Variants in DYNC1I1 observed in about 807,000 individuals in gnomAD.
DYNC1I1 encodes cytoplasmic dynein 1 intermediate chain 1.
DYNC1I1 carries 43 observed loss-of-function variants against 86.6 expected under a neutral mutation model. That is an observed-to-expected ratio of 0.50 (90% CI 0.39 to 0.64). DYNC1I1 has a LOEUF of 0.64. Ranked by LOEUF, DYNC1I1 falls within the 30% of genes least tolerant of loss-of-function variation. The probability of loss-of-function intolerance (pLI) is 0.00; values close to 1 mark genes in which losing one functional copy is unlikely to be tolerated. For synonymous variants in DYNC1I1, 262 were observed against 283.7 expected (o/e 0.92, Z 0.77); for missense variants, 604 against 788.8 (o/e 0.77, Z 2.81).
intron 15 of DYNC1I1, among the ~76,000 whole-genome samples, chr7:96,076,856 A>G (rs1292051424): frequency 6.6e-6 from 1 of 152,266 alleles, no homozygotes; most frequent in Non-Finnish European, 1.5e-5. Context: ...TTTAAAAATC[A>G]GCCAGTAATA....
rs112463385 is a variant in DYNC1I1, at chr7:95,799,533, C to G, written c.-9-5188C>G. The stretch of plus-strand genomic sequence containing the variant: ...GAAGTGGGTAAGGTGCAGGGGATGC[C>G]TGCTGGGGACAGCTTGATATGTAAT... On this transcript the variant is annotated intron_variant, in intron 1 of 16. Coordinates refer to ENST00000447467, the MANE Select transcript of DYNC1I1 (RefSeq NM_001135556.2). 7.2e-4 allele frequency among the ~76,000 whole-genome samples: 109 copies of G among 152,204 alleles called. 1 individual carries two copies. Among genetic ancestry groups the G allele is most frequent in the Middle Eastern group, 3.4e-3 (1 of 294 alleles).
At chr7:96,055,474 A>G (rs1161520562) in intron 14 of DYNC1I1, among the ~76,000 whole-genome samples, 1 of 152,224 alleles carries the variant, frequency 6.6e-6, no homozygotes, top group Non-Finnish European at 1.5e-5. Context: ...TATTATAGTT[A>G]TTCTTTACAA....
chr7:95,797,694 A>G (rs1374798931), intron 1 of DYNC1I1, among the ~76,000 whole-genome samples: 1 of 152,236 alleles, frequency 6.6e-6, no homozygotes, highest in Non-Finnish European at 1.5e-5. Flanking sequence ...GCTAACCTTT[A>G]AGAAACTGCT....
At chr7:96,054,062 G>A (rs1584282284) in intron 14 of DYNC1I1, among the ~76,000 whole-genome samples, 3 of 151,802 alleles carry the variant, frequency 2.0e-5, no homozygotes, top group East Asian at 3.9e-4. Context: ...TTATATACAC[G>A]TGCCATGGTG....
chr7:96,064,332 T>A (rs1789891898), intron 14 of DYNC1I1, among the ~76,000 whole-genome samples: 1 of 152,122 alleles, frequency 6.6e-6, no homozygotes, highest in Non-Finnish European at 1.5e-5. Flanking sequence ...TTTATTTGTT[T>A]TTAATGAGAT....
At chr7:96,080,722 G>T (rs1482097023) in intron 16 of DYNC1I1, among the ~76,000 whole-genome samples, 1 of 152,088 alleles carries the variant, frequency 6.6e-6, no homozygotes, top group Non-Finnish European at 1.5e-5. Flanking sequence ...GAGTCCTGTA[G>T]AATGTCCCAT....
intron 1 of DYNC1I1, among the ~76,000 whole-genome samples, chr7:95,793,232 T>C (rs1332770632): frequency 2.6e-5 from 4 of 152,008 alleles, no homozygotes; most frequent in South Asian, 2.1e-4. Context: ...GAGGGCAAGC[T>C]GGTAAATATT....
At chr7:95,907,505 C>T (rs1791206410) in intron 6 of DYNC1I1, among the ~76,000 whole-genome samples, 1 of 152,178 alleles carries the variant, frequency 6.6e-6, no homozygotes, top group Non-Finnish European at 1.5e-5. Flanking sequence ...TCACTATGGT[C>T]AAATCACATT....
chr7:96,073,243 TGGGGTGAA>T (rs1287969672), intron 14 of DYNC1I1, among the ~76,000 whole-genome samples: 1 of 152,166 alleles, frequency 6.6e-6, no homozygotes, highest in African/African-American at 2.4e-5. Context: ...GGCTCAGTCT[TGGGGTGAA>T]GGGTGATAAG....
chr7:96,015,556 T>C (rs1477125136), intron 10 of DYNC1I1, among the ~76,000 whole-genome samples: 4 of 152,186 alleles, frequency 2.6e-5, no homozygotes, highest in African/African-American at 9.7e-5. Flanking sequence ...TATTTTTCTT[T>C]ATCTCTTGGT....
intron 5 of DYNC1I1, among the ~76,000 whole-genome samples, chr7:95,841,455 G>T (rs1789279547): frequency 6.7e-6 from 1 of 149,738 alleles, no homozygotes; most frequent in Non-Finnish European, 1.5e-5. Flanking sequence ...CTGGCAGGAG[G>T]AGTCATGGGA....
chr7:95,912,337 C>G, intron 6 of DYNC1I1, among the ~76,000 whole-genome samples: 1 of 152,172 alleles, frequency 6.6e-6, no homozygotes, highest in East Asian at 1.9e-4. Flanking sequence ...ATGCCTGGCC[C>G]ACTTGAACAT....
intron 6 of DYNC1I1, among the ~76,000 whole-genome samples, chr7:95,967,090 A>G (rs1793035245): frequency 6.6e-6 from 1 of 152,220 alleles, no homozygotes; most frequent in Admixed American, 6.5e-5. Flanking sequence ...AGACACCCAC[A>G]TTGGGGCATA....
intron 6 of DYNC1I1, among the ~76,000 whole-genome samples, chr7:95,948,080 G>C (rs991614894): frequency 6.7e-6 from 1 of 148,700 alleles, no homozygotes; most frequent in African/African-American, 2.5e-5. Context: ...ATGACCAACA[G>C]TGGGCGAGTA....
intron 1 of DYNC1I1, among the ~76,000 whole-genome samples, chr7:95,797,147 C>A (rs1212477146): frequency 6.6e-6 from 1 of 152,118 alleles, no homozygotes; most frequent in African/African-American, 2.4e-5. Flanking sequence ...AAGCCTTCTG[C>A]TACCAACCAA....
chr7:96,044,731 G>A (rs973366713), intron 14 of DYNC1I1, among the ~76,000 whole-genome samples: 1 of 152,122 alleles, frequency 6.6e-6, no homozygotes, highest in East Asian at 1.9e-4. Flanking sequence ...TCCTGTGATG[G>A]CTATTTTCTT....
At chr7:95,980,018 G>A (rs376615898) in intron 7 of DYNC1I1, among the ~76,000 whole-genome samples, 2 of 152,034 alleles carry the variant, frequency 1.3e-5, no homozygotes, top group Non-Finnish European at 2.9e-5. Context: ...TATTTTGTGT[G>A]TCTTGGCATG....
intron 10 of DYNC1I1, among the ~76,000 whole-genome samples, chr7:96,006,465 T>C (rs546938971): frequency 4.5e-4 from 68 of 152,338 alleles, no homozygotes; most frequent in Admixed American, 1.6e-3. Context: ...AATTTGTGAA[T>C]ATTTAGCTAA....
intron 14 of DYNC1I1, among the ~76,000 whole-genome samples, chr7:96,048,986 A>T (rs1789303032): frequency 6.6e-6 from 1 of 152,186 alleles, no homozygotes; most frequent in African/African-American, 2.4e-5. Context: ...CAGGCCGGGC[A>T]CAGTGGCTCA....
Sources: gnomAD v4.1 joint callset for allele counts (sites outside exome capture counted in the v4.1 genomes callset) on GRCh38, gnomAD v4.1.1 for gene constraint, MANE v1.5 for transcripts, NCBI Gene and HGNC (gene_info 2026-07-23, HGNC 2026-07-21) for gene names.